ZC3H15: variants seen among roughly 807,000 people sequenced by gnomAD.
The protein encoded by ZC3H15 is zinc finger CCCH domain-containing protein 15.
ZC3H15 carries 15 observed loss-of-function variants against 51.2 expected under a neutral mutation model. That is an observed-to-expected ratio of 0.29 (90% CI 0.20 to 0.45). The LOEUF (loss-of-function observed/expected upper bound fraction) is 0.45. Among genes scored for constraint, ZC3H15 ranks in the 20% least tolerant of loss-of-function variants. The pLI is 1.00. For synonymous variants in ZC3H15, 144 were observed against 162.8 expected (o/e 0.88, Z 0.88); for missense variants, 381 against 494.7 (o/e 0.77, Z 2.18).
chr2:186,487,325 G>T lies in ZC3H15; in HGVS notation c.75+868G>T, dbSNP rs138344550. ...TTTCCTTAAAAGATGAACCATATTT[G>T]ACATTACGTAAACATACCATACAGA... On this transcript the variant is annotated intron_variant, in intron 1 of 9. Coordinates refer to ENST00000337859, the MANE Select transcript of ZC3H15 (RefSeq NM_018471.3). The T allele has an allele frequency of 2.3e-3, 357 of 152,218 alleles. 1 individual carries two copies. Among genetic ancestry groups the T allele is most frequent in the African/African-American group, 8.0e-3 (334 of 41,522 alleles). 9.4% of individuals were successfully genotyped at this position (152,218 alleles called of 1,614,324 possible). A position where few individuals can be genotyped will look rare whatever the true frequency, so the allele number is the denominator to read the frequency against.
intron 8 of ZC3H15, 99 bp downstream of exon 8, chr2:186,505,940 T>C: frequency 7.8e-7 from 1 of 1,285,582 alleles, no homozygotes; most frequent in Non-Finnish European, 1.1e-6. Flanking sequence ...AGAGCCACAG[T>C]GCCTGGGTTC....
chr2:186,501,753 C>T (rs1202169169), intron 4 of ZC3H15, among the ~76,000 whole-genome samples: 2 of 151,730 alleles, frequency 1.3e-5, no homozygotes, highest in Admixed American at 6.6e-5. Flanking sequence ...GCTCTGTCGC[C>T]CAGACTGGAG....
intron 1 of ZC3H15, among the ~76,000 whole-genome samples, chr2:186,490,008 A>G (rs545003632): frequency 6.6e-6 from 1 of 152,230 alleles, no homozygotes; most frequent in Non-Finnish European, 1.5e-5. Context: ...TGTATTATAA[A>G]TAAAAACTAG....
intron 2 of ZC3H15, among the ~76,000 whole-genome samples, chr2:186,496,312 G>C (rs1480780703): frequency 1.3e-5 from 2 of 152,148 alleles, no homozygotes; most frequent in African/African-American, 2.4e-5. Flanking sequence ...CTGCCTCCTG[G>C]GTTCAAGCCA....
intron 1 of ZC3H15, among the ~76,000 whole-genome samples, chr2:186,491,664 A>G (rs1472934049): frequency 2.0e-5 from 3 of 152,192 alleles, no homozygotes; most frequent in Non-Finnish European, 4.4e-5. Context: ...TCCAGAGTTT[A>G]TGCTTCTAAA....
In ZC3H15 at chr2:186,501,442, C is replaced by T. The variant is rs924125151; in HGVS notation, c.442+17C>T. On this transcript the variant is annotated intron_variant, in intron 4 of 9. Coordinates refer to ENST00000337859, the MANE Select transcript of ZC3H15 (RefSeq NM_018471.3). ...TTGAAAAAGGTAATTTTTTTAAAAACACTCTCTTAAAAATAAATGTTGAAT... is the reference window on the plus strand; with the variant it reads ...TTGAAAAAGGTAATTTTTTTAAAAATACTCTCTTAAAAATAAATGTTGAAT... 1 of 1,598,282 alleles carries T rather than the reference C, an allele frequency of 6.3e-7. No homozygotes were observed. The highest frequency in any genetic ancestry group is 8.5e-7 in the Non-Finnish European group (1 of 1,172,540).
Position 186,506,588 on chromosome 2 carries a change from G to A in ZC3H15, c.967-125G>A, listed in dbSNP as rs955250717. 8 of 1,083,110 alleles carry A rather than the reference G, an allele frequency of 7.4e-6. No individual in the cohort carries two copies. In the African/African-American group the frequency reaches 1.3e-4, roughly 17 times the overall value. 67.1% of individuals were successfully genotyped at this position (1,083,110 alleles called of 1,614,324 possible). A position where few individuals can be genotyped will look rare whatever the true frequency, so the allele number is the denominator to read the frequency against. ...ATTACAGGTGTGAGCCTCCACACCT[G>A]GCCAGTAATTGGTCTTTTGTTTTCA... On this transcript the variant is annotated intron_variant, in intron 8 of 9. Coordinates refer to ENST00000337859, the MANE Select transcript of ZC3H15 (RefSeq NM_018471.3).
At chr2:186,505,894 G>T in intron 8 of ZC3H15, 53 bp downstream of exon 8, 1 of 1,565,682 alleles carries the variant, frequency 6.4e-7, no homozygotes, top group Non-Finnish European at 8.7e-7. Context: ...AGAAACAATA[G>T]AAAATACCAC....
intron 2 of ZC3H15, chr2:186,499,499 G>A: frequency 2.4e-6 from 1 of 415,444 alleles, no homozygotes; most frequent in Non-Finnish European, 4.7e-6. Flanking sequence ...GGCATTCTTT[G>A]TTCCCAGAGC....
chr2:186,495,180 A>T (rs1685262725), intron 1 of ZC3H15, 53 bp from the exon 2 acceptor site: 10 of 1,000,356 alleles, frequency 1.0e-5, no homozygotes, highest in Non-Finnish European at 1.4e-5. Flanking sequence ...TCATTGGAGG[A>T]TATATATGGT....
At chr2:186,491,095 T>C (rs1253340117) in intron 1 of ZC3H15, among the ~76,000 whole-genome samples, 1 of 152,188 alleles carries the variant, frequency 6.6e-6, no homozygotes, top group African/African-American at 2.4e-5. Context: ...CATTCTGTTT[T>C]CAAGAGGTGC....
Position 186,506,832 on chromosome 2 carries a change from A to G in ZC3H15, c.1086A>G (p.Lys362=). The G allele has an allele frequency of 6.2e-7, 1 of 1,610,272 alleles. No individual in the cohort carries two copies. Among genetic ancestry groups the G allele is most frequent in the East Asian group, 2.2e-5 (1 of 44,836 alleles). Residue 362 remains lysine (K), a synonymous_variant, in exon 9 of 10, where the codon AAA becomes AAG. Coordinates refer to ENST00000337859, the MANE Select transcript of ZC3H15 (RefSeq NM_018471.3). ...GATTCAGCACATATACTTCAGATAA[A>G]GATGGTAAGTATGCTAACTTTTGCC... ...LERFSTYTSD[K]DENKLSEASG...
chr2:186,497,835 G>A (rs753456062), intron 2 of ZC3H15, among the ~76,000 whole-genome samples: 4 of 152,100 alleles, frequency 2.6e-5, no homozygotes, highest in Admixed American at 6.6e-5. Flanking sequence ...TGATACTTGC[G>A]TGGATAACTG....
At chr2:186,494,978 A>G in intron 1 of ZC3H15, among the ~76,000 whole-genome samples, 1 of 151,922 alleles carries the variant, frequency 6.6e-6, no homozygotes, top group East Asian at 1.9e-4. Flanking sequence ...AAAAATATAT[A>G]TAAAAATAAT....
intron 5 of ZC3H15, among the ~76,000 whole-genome samples, chr2:186,503,728 C>T (rs1262250181): frequency 2.0e-5 from 3 of 152,108 alleles, no homozygotes; most frequent in Admixed American, 1.3e-4. Context: ...CGGGGGCGTA[C>T]ATTTACAAAG....
intron 1 of ZC3H15, among the ~76,000 whole-genome samples, chr2:186,493,374 T>C (rs919858631): frequency 6.6e-6 from 1 of 152,136 alleles, no homozygotes; most frequent in African/African-American, 2.4e-5. Context: ...AGTAAGTCTG[T>C]ACAGTAAACT....
intron 8 of ZC3H15, 73 bp downstream of exon 8, chr2:186,505,914 AAGAGCCACCAACATC>A: frequency 6.8e-7 from 1 of 1,481,110 alleles, no homozygotes; most frequent in Non-Finnish European, 9.3e-7. Context: ...CAACATGGTT[AAGAGCCACCAACATC>A]AGAGCCACAG....
intron 1 of ZC3H15, among the ~76,000 whole-genome samples, chr2:186,491,846 G>GA (rs1225974281): frequency 1.3e-5 from 2 of 152,030 alleles, no homozygotes; most frequent in African/African-American, 4.8e-5. Context: ...TTTCTCTGTG[G>GA]AAAAATGTTA....
At chr2:186,489,614 G>A (rs189190590) in intron 1 of ZC3H15, among the ~76,000 whole-genome samples, 3 of 152,226 alleles carry the variant, frequency 2.0e-5, no homozygotes, top group Admixed American at 1.3e-4. Context: ...TAAGCAGCAC[G>A]TTTCAATAGA....
Sources: allele counts gnomAD v4.1 joint callset (sites outside exome capture counted in the v4.1 genomes callset), GRCh38; gene constraint gnomAD v4.1.1; transcripts MANE v1.5; gene names NCBI Gene and HGNC (gene_info 2026-07-23, HGNC 2026-07-21).